Variants in TNFRSF10A observed in about 807,000 individuals in gnomAD.
The protein encoded by TNFRSF10A is tumor necrosis factor receptor superfamily member 10A.
TNFRSF10A carries 44 observed loss-of-function variants against 42.8 expected under a neutral mutation model. The ratio of observed to expected loss-of-function variants is 1.03; its 90% CI spans 0.81 to 1.32. The LOEUF (loss-of-function observed/expected upper bound fraction) is 1.32, where lower values mean the gene tolerates loss of function less well. Among genes scored for constraint, TNFRSF10A ranks in the 40% most tolerant of loss-of-function variants. TNFRSF10A has a pLI of 0.00. For missense variants in TNFRSF10A, 680 were observed against 602.0 expected, an observed-to-expected ratio of 1.13 and a Z score of -1.36; for synonymous variants, 259 against 234.2, an observed-to-expected ratio of 1.11 and a Z score of -0.97.
chr8:23,219,709 C>A (rs1200535879), intron 1 of TNFRSF10A, among the ~76,000 whole-genome samples: 2 of 152,240 alleles, frequency 1.3e-5, no homozygotes, highest in Admixed American at 1.3e-4. Flanking sequence ...CCCACCCCAG[C>A]CGGTGCTGCT....
Position 23,199,437 on chromosome 8 carries a change from C to T in TNFRSF10A, c.843G>A (p.Trp281Ter), listed in dbSNP as rs1563378296. The T allele has an allele frequency of 2.5e-6, 4 of 1,611,592 alleles. No individual in the cohort carries two copies. The highest frequency in any genetic ancestry group is 1.6e-4 in the Middle Eastern group (1 of 6,078). Reference sequence around the variant, plus strand: ...CAGGCCCTCGTAGGAGACCCAAGCGCCAGAAACACACCTTAGGAAGGCAAA... The same window carrying T: ...CAGGCCCTCGTAGGAGACCCAAGCGTCAGAAACACACCTTAGGAAGGCAAA... The part of the protein sequence containing the change: ...DPKCMDRVCF[W>*]RLGLLRGPGA... Residue 281 changes from tryptophan (W) to a stop codon, truncating the protein, a stop_gained, in exon 8 of 10, where the codon TGG becomes TGA. Coordinates refer to ENST00000221132, the MANE Select transcript of TNFRSF10A (RefSeq NM_003844.4). LOFTEE classifies it high-confidence loss of function.
rs769961722 is a variant in TNFRSF10A, at chr8:23,202,784, A to G, written c.404-23T>C. ...ATCCTGGGAAGGGAGAGAAAAGCCA[A>G]TGAATGAATTGCCACAGAGTTCCCA... On this transcript the variant is annotated intron_variant, in intron 2 of 9. Coordinates refer to ENST00000221132, the MANE Select transcript of TNFRSF10A (RefSeq NM_003844.4). 1.1e-4 allele frequency: 166 copies of G among 1,547,238 alleles called. 1 individual carries two copies. The highest frequency in any genetic ancestry group is 1.3e-4 in the Non-Finnish European group (151 of 1,119,794).
chr8:23,201,699 T>C (rs1383154905), intron 4 of TNFRSF10A, 109 bp downstream of exon 4: 10 of 1,001,522 alleles, frequency 1.0e-5, no homozygotes, highest in Middle Eastern at 2.3e-4. Flanking sequence ...GGAGGCACCA[T>C]GGGGTCAGGG....
intron 1 of TNFRSF10A, among the ~76,000 whole-genome samples, chr8:23,218,758 G>A (rs530656592): frequency 6.6e-6 from 1 of 152,156 alleles, no homozygotes; most frequent in Non-Finnish European, 1.5e-5. Flanking sequence ...CTGCTGCCCC[G>A]AGGGTTGCTC....
rs781276793 is a variant in TNFRSF10A at position 23,224,852 on chromosome 8, T to TGCCCGG, written c.204_209dup (p.Arg69_Ala70dup). 6 of 1,567,760 alleles carry TGCCCGG rather than the reference T, an allele frequency of 3.8e-6. No homozygotes were observed. The Admixed American group carries it at 1.1e-4, about 30-fold the overall frequency. The stretch of plus-strand genomic sequence containing the variant: ...CCGGCCTGGGTCCTGGGGCGCGCCC[T>TGCCCGG]GCCCGGGCCCGGGCACTGGGTCCGT... On this transcript the variant is annotated inframe_insertion, in exon 1 of 10. Coordinates refer to ENST00000221132, the MANE Select transcript of TNFRSF10A (RefSeq NM_003844.4).
intron 2 of TNFRSF10A, among the ~76,000 whole-genome samples, chr8:23,208,815 A>G (rs532476691): frequency 6.6e-6 from 1 of 152,270 alleles, no homozygotes; most frequent in East Asian, 1.9e-4. Context: ...CAACCTGACA[A>G]TGTGCTAGAA....
At chr8:23,211,701 T>C (rs60310930) in intron 2 of TNFRSF10A, among the ~76,000 whole-genome samples, 4,547 of 152,306 alleles carry the variant, frequency 0.03, 150 homozygotes, top group African/African-American at 0.08. Flanking sequence ...TGGAAAAGAA[T>C]TGAGAGTCCA....
chr8:23,206,512 C>G (rs916050357), intron 2 of TNFRSF10A, among the ~76,000 whole-genome samples: 1 of 152,186 alleles, frequency 6.6e-6, no homozygotes, highest in Non-Finnish European at 1.5e-5. Context: ...CAATTGTCTA[C>G]TAGTACAGGT....
At chr8:23,199,228 T>C (rs1419633028) in intron 8 of TNFRSF10A, 38 bp downstream of exon 8, 1 of 1,590,444 alleles carries the variant, frequency 6.3e-7, no homozygotes, top group East Asian at 2.3e-5. Context: ...CTTCACCCCC[T>C]GCCTACAAGG....
chr8:23,208,569 C>A (rs771962428), intron 2 of TNFRSF10A, among the ~76,000 whole-genome samples: 1 of 152,100 alleles, frequency 6.6e-6, no homozygotes, highest in Non-Finnish European at 1.5e-5. Context: ...CATTCTCCTG[C>A]CTCAGCCTCC....
intron 1 of TNFRSF10A, among the ~76,000 whole-genome samples, chr8:23,213,473 A>T (rs1480281173): frequency 3.6e-5 from 2 of 54,966 alleles, no homozygotes; most frequent in Non-Finnish European, 8.2e-5. Flanking sequence ...TTTGAGACAG[A>T]GTCTCGCTCT....
chr8:23,205,713 T>TTTG (rs1489744266), intron 2 of TNFRSF10A, among the ~76,000 whole-genome samples: 1 of 145,644 alleles, frequency 6.9e-6, no homozygotes, highest in Non-Finnish European at 1.5e-5. Flanking sequence ...CTGTGTTTCT[T>TTTG]TTTTTTTTTT....
At chr8:23,223,960 G>T (rs1801292694) in intron 1 of TNFRSF10A, among the ~76,000 whole-genome samples, 1 of 152,226 alleles carries the variant, frequency 6.6e-6, no homozygotes, top group African/African-American at 2.4e-5. Context: ...ACTCGAAACG[G>T]AAGACAACGA....
chr8:23,202,519 T>G, intron 3 of TNFRSF10A, 129 bp downstream of exon 3: 1 of 690,556 alleles, frequency 1.4e-6, no homozygotes, highest in Non-Finnish European at 2.6e-6. Flanking sequence ...ACCTAAGACA[T>G]AACCATGGAA....
At chr8:23,216,243 C>A (rs1801178266) in intron 1 of TNFRSF10A, among the ~76,000 whole-genome samples, 2 of 152,094 alleles carry the variant, frequency 1.3e-5, no homozygotes, top group South Asian at 4.1e-4. Flanking sequence ...CATGTTGTTA[C>A]TACCTTTGAG....
rs551141503 is a variant in TNFRSF10A, at chr8:23,200,986, G to C, written c.630-226C>G. 9.8e-5 allele frequency among the ~76,000 whole-genome samples: 15 copies of C among 152,314 alleles called. 1 individual carries two copies. The highest frequency in any genetic ancestry group is 3.6e-4 in the African/African-American group (15 of 41,560). On this transcript the variant is annotated intron_variant, in intron 4 of 9. Coordinates refer to ENST00000221132, the MANE Select transcript of TNFRSF10A (RefSeq NM_003844.4). ...GCCTCCCTGCTCTGGGGTCAGAGCT[G>C]CAGTTCCAGGAGCCTTCTGTGCTGG...
intron 1 of TNFRSF10A, among the ~76,000 whole-genome samples, chr8:23,219,877 T>C (rs1286721643): frequency 1.3e-5 from 2 of 152,258 alleles, no homozygotes; most frequent in African/African-American, 2.4e-5. Context: ...ATTCTCTTCA[T>C]CTAAGTTTTT....
rs145440694 is a variant in TNFRSF10A, at chr8:23,202,647, C to G, written c.517+1G>C. ...GGACAAGAGGTCCACACATTCTGTA[C>G]CTGATTTACAAGCTGTACATGGGAG... On this transcript the variant is annotated splice_donor_variant, in intron 3 of 9. Coordinates refer to ENST00000221132, the MANE Select transcript of TNFRSF10A (RefSeq NM_003844.4). LOFTEE classifies it high-confidence loss of function. 4.2e-4 allele frequency: 678 copies of G among 1,612,442 alleles called. No individual in the cohort carries two copies. The highest frequency in any genetic ancestry group is 5.0e-4 in the Non-Finnish European group (589 of 1,178,724).
At chr8:23,201,180 A>G (rs904276375) in intron 4 of TNFRSF10A, among the ~76,000 whole-genome samples, 4 of 152,180 alleles carry the variant, frequency 2.6e-5, no homozygotes, top group African/African-American at 9.7e-5. Flanking sequence ...TCTCAATCAC[A>G]GCAAACACTG....
Sources: allele counts gnomAD v4.1 joint callset (sites outside exome capture counted in the v4.1 genomes callset), GRCh38; gene constraint gnomAD v4.1.1; transcripts MANE v1.5; gene names NCBI Gene and HGNC (gene_info 2026-07-23, HGNC 2026-07-21).